Variants in RBM26 observed in about 807,000 individuals in gnomAD.
RBM26 encodes the protein RNA binding motif protein 26.
In RBM26, 30 loss-of-function variants were observed where a neutral mutation model predicts 123.6. The ratio of observed to expected loss-of-function variants is 0.24; its 90% CI spans 0.18 to 0.33. The LOEUF (loss-of-function observed/expected upper bound fraction) is 0.33. Among genes scored for constraint, RBM26 ranks in the 10% least tolerant of loss-of-function variants. RBM26 has a pLI of 1.00. For missense variants in RBM26, 947 were observed against 1,203.6 expected (o/e 0.79, Z 3.15); for synonymous variants, 400 against 404.4 (o/e 0.99, Z 0.13).
At chr13:79,374,910 A>C (rs2076502563) in intron 3 of RBM26, among the ~76,000 whole-genome samples, 1 of 151,558 alleles carries the variant, frequency 6.6e-6, no homozygotes, top group Admixed American at 6.6e-5. Flanking sequence ...ATAGATAATA[A>C]GACTAAGGCT....
Position 79,320,318 on chromosome 13 carries a change from C to T in RBM26, c.*303G>A, listed in dbSNP as rs1174275879. ...CAAGTATTGGTCATAAGTTTTCAGA[C>T]CTATTCATTAAATTACAAAGAACCC... is the stretch of plus-strand genomic sequence containing the variant. On this transcript the variant is annotated 3_prime_UTR_variant, in exon 22 of 22. Transcript: ENST00000438737. The T allele has an allele frequency of 3.0e-6, 3 of 1,014,016 alleles. No individual in the cohort carries two copies. Among genetic ancestry groups the T allele is most frequent in the Admixed American group, 5.6e-5 (1 of 17,790 alleles). The allele number at this position is 1,014,016 out of a possible 1,614,324, so 62.8% of individuals were successfully genotyped here.
chr13:79,384,545 A>G (rs576612159), intron 1 of RBM26, among the ~76,000 whole-genome samples: 3 of 152,242 alleles, frequency 2.0e-5, no homozygotes, highest in African/African-American at 7.2e-5. Flanking sequence ...GGTGAGAGCA[A>G]TAGTGCCCAG....
At chr13:79,404,662 A>T (rs781544980) in intron 1 of RBM26, among the ~76,000 whole-genome samples, 28 of 152,128 alleles carry the variant, frequency 1.8e-4, no homozygotes, top group Admixed American at 1.2e-3. Flanking sequence ...TCCTTTTGCA[A>T]GGAATGTTCT....
chr13:79,374,703 C>T (rs1192943179), intron 3 of RBM26, among the ~76,000 whole-genome samples: 1 of 152,080 alleles, frequency 6.6e-6, no homozygotes, highest in African/African-American at 2.4e-5. Flanking sequence ...GCACTCTTTC[C>T]CTTCTATTTC....
At chr13:79,352,701 C>T (rs1449777242) in intron 14 of RBM26, among the ~76,000 whole-genome samples, 1 of 151,940 alleles carries the variant, frequency 6.6e-6, no homozygotes, top group Non-Finnish European at 1.5e-5. Context: ...ACCCCATGAG[C>T]AAGATAAATA....
chr13:79,381,600 C>G (rs572718624), intron 1 of RBM26, among the ~76,000 whole-genome samples: 4 of 151,928 alleles, frequency 2.6e-5, no homozygotes, highest in South Asian at 4.2e-4. Context: ...AACGAAATAC[C>G]AAATCTATTT....
In RBM26 at chr13:79,393,407, ACTCCTGCGCTAAAACTTGCCTCAGTTT is replaced by A. The variant is rs1489405464; in HGVS notation, c.71+12270_71+12296del. Among the ~76,000 whole-genome samples, 3 of 151,390 alleles carry A rather than the reference ACTCCTGCGCTAAAACTTGCCTCAGTTT, an allele frequency of 2.0e-5. No individual in the cohort carries two copies. In the East Asian group the frequency reaches 5.8e-4, roughly 29 times the overall value. On this transcript the variant is annotated intron_variant, in intron 1 of 21. Transcript: ENST00000438737. Reference sequence around the variant, plus strand: ...CTGTAAAGCATTTTAATAAACATTCACTCCTGCGCTAAAACTTGCCTCAGTTTCTCCTTCTGCCTTATGTCTCCTCGG... The same window carrying A: ...CTGTAAAGCATTTTAATAAACATTCACTCCTTCTGCCTTATGTCTCCTCGG...
At chr13:79,321,931 T>G (rs986931208) in intron 21 of RBM26, among the ~76,000 whole-genome samples, 1 of 151,446 alleles carries the variant, frequency 6.6e-6, no homozygotes, top group Non-Finnish European at 1.5e-5. Context: ...TTCATTTTTG[T>G]GCCTATGACA....
intron 1 of RBM26, among the ~76,000 whole-genome samples, chr13:79,396,384 A>G (rs994875795): frequency 1.3e-5 from 2 of 152,234 alleles, no homozygotes; most frequent in African/African-American, 4.8e-5. Flanking sequence ...AAATTGATTA[A>G]GAAAATAAAA....
chr13:79,381,392 A>G (rs2077059443), intron 1 of RBM26, among the ~76,000 whole-genome samples: 1 of 151,626 alleles, frequency 6.6e-6, no homozygotes, highest in Non-Finnish European at 1.5e-5. Context: ...ACTAGACATC[A>G]AGCTAAACAT....
intron 18 of RBM26, among the ~76,000 whole-genome samples, chr13:79,338,112 T>C (rs1444552351): frequency 6.6e-6 from 1 of 152,098 alleles, no homozygotes; most frequent in Non-Finnish European, 1.5e-5. Context: ...CTCGGGAGGC[T>C]GAGGCAGGAG....
chr13:79,405,526 T>A (rs961077872), intron 1 of RBM26, among the ~76,000 whole-genome samples, 178 bp downstream of exon 1: 2 of 151,078 alleles, frequency 1.3e-5, no homozygotes, highest in Non-Finnish European at 1.5e-5. Context: ...CGACTCAGGC[T>A]CTCGGGGGTA....
Position 79,359,628 on chromosome 13 carries a change from T to C in RBM26, c.1476A>G (p.Arg492=). ...CTCCAGGCTCTCCAGAACCAATGGT[T>C]CTTTTCCTTGATTCTGAGTCCACTA... The part of the protein sequence containing the change: ...RIVVDSESRK[R]TIGSGEPGVP... Residue 492 remains arginine (R), a synonymous_variant, in exon 10 of 22, where the codon AGA becomes AGG. Transcript: ENST00000438737. 1.2e-6 allele frequency: 2 copies of C among 1,601,712 alleles called. No homozygotes were observed. Among genetic ancestry groups the C allele is most frequent in the Non-Finnish European group, 1.7e-6 (2 of 1,175,000 alleles).
rs2075597100 is a variant in RBM26 at position 79,368,880 on chromosome 13, G to A, written c.745C>T (p.Pro249Ser). The A allele has an allele frequency of 6.2e-7, 1 of 1,613,624 alleles. No homozygotes were observed. Among genetic ancestry groups the A allele is most frequent in the Non-Finnish European group, 8.5e-7 (1 of 1,179,616 alleles). ...ACTGTAATAGTGCTGCTCAAAGTAGGTACAGGGTAGTGGCCAGATGAAATA... is the reference window on the plus strand; with the variant it reads ...ACTGTAATAGTGCTGCTCAAAGTAGATACAGGGTAGTGGCCAGATGAAATA... ...PSISSGHYPV[P>S]TLSSTITVIA... The change falls in exon 6 of 22, where the codon CCT (proline) becomes TCT (serine). Residue 249 changes from proline to serine, a missense_variant. Physicochemically the swap from Pro to Ser is moderately conservative, Grantham distance 74. Around this residue, in one of 5 missense-constraint regions of RBM26, gnomAD observed 275 missense variants for 361.0 expected, o/e 0.76. Coordinates refer to ENST00000438737, the MANE Select transcript of RBM26 (RefSeq NM_001366735.2).
intron 9 of RBM26, among the ~76,000 whole-genome samples, chr13:79,360,505 A>ATATATC (rs2074549624): frequency 6.6e-6 from 1 of 152,030 alleles, no homozygotes; most frequent in South Asian, 2.1e-4. Context: ...ATATATATAT[A>ATATATC]TCAATGCACA....
chr13:79,341,676 A>G (rs1052383710), intron 17 of RBM26, among the ~76,000 whole-genome samples: 4 of 151,814 alleles, frequency 2.6e-5, no homozygotes, highest in Admixed American at 2.6e-4. Flanking sequence ...GGGTGGGGAC[A>G]GAGTGCCAGG....
intron 19 of RBM26, among the ~76,000 whole-genome samples, chr13:79,336,336 T>C (rs904693734): frequency 1.3e-5 from 2 of 152,212 alleles, no homozygotes; most frequent in African/African-American, 2.4e-5. Flanking sequence ...TAGTTTATTC[T>C]GTGTTAAACT....
intron 2 of RBM26, 120 bp from the exon 3 acceptor site, chr13:79,377,635 T>C (rs1397580946): frequency 1.2e-6 from 1 of 822,134 alleles, no homozygotes; most frequent in Non-Finnish European, 1.9e-6. Flanking sequence ...CTAGAAAATA[T>C]ACTAGCACTG....
chr13:79,400,320 T>C (rs1388110710), intron 1 of RBM26, among the ~76,000 whole-genome samples: 1 of 152,206 alleles, frequency 6.6e-6, no homozygotes, highest in African/African-American at 2.4e-5. Context: ...ATCAAGGTAC[T>C]GGCAGGTTTG....
Sources: allele counts gnomAD v4.1 joint callset (sites outside exome capture counted in the v4.1 genomes callset), GRCh38; gene constraint gnomAD v4.1.1; regional missense constraint gnomAD v4.1.1; transcripts MANE v1.5; gene names NCBI Gene and HGNC (gene_info 2026-07-23, HGNC 2026-07-21).